The following RORA variants were observed in gnomAD, a reference collection of about 807,000 sequenced individuals.
RORA encodes the protein nuclear receptor ROR-alpha.
In RORA, 7 loss-of-function variants were observed where a neutral mutation model predicts 69.5. The ratio of observed to expected loss-of-function variants is 0.10; its 90% CI spans 0.06 to 0.19. The LOEUF (loss-of-function observed/expected upper bound fraction) is 0.19, where lower values mean the gene tolerates loss of function less well. RORA is among the 10% of genes least tolerant of loss of function. RORA has a pLI of 1.00. For missense variants in RORA, 457 were observed against 663.0 expected (o/e 0.69, Z 3.41); for synonymous variants, 261 against 240.8 (o/e 1.08, Z -0.78).
chr15:60,960,832 T>C (rs1166654055), intron 1 of RORA, among the ~76,000 whole-genome samples: 1 of 152,084 alleles, frequency 6.6e-6, no homozygotes, highest in Non-Finnish European at 1.5e-5. Flanking sequence ...ATTCCTCCTT[T>C]TTAGCTGTGT....
In RORA at chr15:60,537,109, G is replaced by T. The variant is rs528594174; in HGVS notation, c.197-5258C>A. The stretch of plus-strand genomic sequence containing the variant: ...GTTTAAAACTGCCAGGGTATTAAAG[G>T]CTTCTGCAGCTGCCTGAATGGCGGC... On this transcript the variant is annotated intron_variant, in intron 2 of 10. Coordinates refer to ENST00000335670, the MANE Select transcript of RORA (RefSeq NM_134261.3). This position sits in a 1 kb window ranked among gnomAD's most constrained non-coding sequence, Gnocchi z 4.9. Among the ~76,000 whole-genome samples, 1 of 152,322 alleles carries T rather than the reference G, an allele frequency of 6.6e-6. No individual in the cohort carries two copies. Among genetic ancestry groups the T allele is most frequent in the South Asian group, 2.1e-4 (1 of 4,828 alleles).
chr15:61,191,476 A>G (rs749760037), intron 1 of RORA, among the ~76,000 whole-genome samples: 2 of 152,098 alleles, frequency 1.3e-5, no homozygotes, highest in Non-Finnish European at 2.9e-5. Context: ...CCCCTTCCTC[A>G]TTCATTTAGA....
intron 2 of RORA, among the ~76,000 whole-genome samples, chr15:60,604,631 T>C (rs948287981): frequency 1.3e-5 from 2 of 152,216 alleles, no homozygotes; most frequent in South Asian, 2.1e-4. Context: ...CCATAGTGCC[T>C]GGCATACATA....
intron 3 of RORA, chr15:60,529,102 C>T (rs1203702995): frequency 6.6e-6 from 1 of 152,206 alleles, no homozygotes; most frequent in African/African-American, 2.4e-5. Flanking sequence ...AACAGGTCCT[C>T]TAGTTTCTTA....
chr15:60,758,295 G>T (rs1474985420), intron 1 of RORA, among the ~76,000 whole-genome samples: 1 of 152,164 alleles, frequency 6.6e-6, no homozygotes, highest in African/African-American at 2.4e-5. Context: ...AGGTATAAAA[G>T]GGAGGCTCAC....
At chr15:60,913,066 C>T (rs1480769425) in intron 1 of RORA, among the ~76,000 whole-genome samples, 1 of 152,144 alleles carries the variant, frequency 6.6e-6, no homozygotes, top group East Asian at 1.9e-4. Context: ...CATTATAGCA[C>T]TATAGGGTTT....
At chr15:60,839,598 C>T (rs1214430179) in intron 1 of RORA, among the ~76,000 whole-genome samples, 1 of 152,194 alleles carries the variant, frequency 6.6e-6, no homozygotes, top group Non-Finnish European at 1.5e-5. Context: ...TATATCAATG[C>T]ACATCTGTAC....
At chr15:60,833,597 C>G (rs1451964422) in intron 1 of RORA, among the ~76,000 whole-genome samples, 1 of 145,878 alleles carries the variant, frequency 6.9e-6, no homozygotes, top group African/African-American at 2.4e-5. Context: ...TCTCTTTTCC[C>G]TTAAGTTCAC....
At chr15:60,552,482 A>G (rs2067251837) in intron 2 of RORA, among the ~76,000 whole-genome samples, 1 of 152,228 alleles carries the variant, frequency 6.6e-6, no homozygotes, top group Admixed American at 6.5e-5. Flanking sequence ...TGTATAGAGC[A>G]GGAACCTGTC....
At chr15:61,225,808 C>G (rs922086754) in intron 1 of RORA, among the ~76,000 whole-genome samples, 2 of 152,192 alleles carry the variant, frequency 1.3e-5, no homozygotes, top group Non-Finnish European at 2.9e-5. Flanking sequence ...TCCCTGAAAG[C>G]CTTGTTAAAT....
chr15:60,872,060 A>G (rs925694263), intron 1 of RORA, among the ~76,000 whole-genome samples: 1 of 152,206 alleles, frequency 6.6e-6, no homozygotes, highest in Non-Finnish European at 1.5e-5. Context: ...GCTTTGGAGA[A>G]TAACTCACTG....
intron 2 of RORA, among the ~76,000 whole-genome samples, chr15:60,603,163 A>G (rs1018312304): frequency 6.6e-6 from 1 of 152,306 alleles, no homozygotes; most frequent in East Asian, 1.9e-4. Flanking sequence ...TCATTCCTCA[A>G]TTGAAGGACA....
intron 1 of RORA, among the ~76,000 whole-genome samples, chr15:60,805,410 A>G (rs1432806236): frequency 6.6e-6 from 1 of 152,246 alleles, no homozygotes; most frequent in East Asian, 1.9e-4. Flanking sequence ...AATGTAGGAA[A>G]TGCAGGGAGA....
chr15:60,766,671 CT>C (rs35501090), intron 1 of RORA, among the ~76,000 whole-genome samples: 117,047 of 147,954 alleles, frequency 0.79, 46,130 homozygotes, highest in South Asian at 0.88. Context: ...ACAGACTGCA[CT>C]TTTTTTTTTT....
At chr15:60,849,355 C>A (rs1050156082) in intron 1 of RORA, among the ~76,000 whole-genome samples, 1 of 152,170 alleles carries the variant, frequency 6.6e-6, no homozygotes, top group African/African-American at 2.4e-5. Flanking sequence ...TCACTTATAG[C>A]CAATTGGATA....
Position 60,928,132 on chromosome 15 carries a change from C to A in RORA, c.167-249446G>T, listed in dbSNP as rs151328000. ...GAACACTGAACTGCCCTGCCCATATCTTTTCCCTGAATAAATCCCTTTAAA... is the reference window on the plus strand; with the variant it reads ...GAACACTGAACTGCCCTGCCCATATATTTTCCCTGAATAAATCCCTTTAAA... On this transcript the variant is annotated intron_variant, in intron 1 of 10. Transcript: ENST00000335670. 3.3e-5 allele frequency among the ~76,000 whole-genome samples: 5 copies of A among 152,300 alleles called. No individual in the cohort carries two copies. In the East Asian group the frequency reaches 9.7e-4, roughly 29 times the overall value.
intron 1 of RORA, among the ~76,000 whole-genome samples, chr15:60,802,806 G>A (rs533183600): frequency 6.6e-6 from 1 of 152,198 alleles, no homozygotes; most frequent in Non-Finnish European, 1.5e-5. Flanking sequence ...TTACTGCTTA[G>A]CCTCAAAAGA....
intron 1 of RORA, among the ~76,000 whole-genome samples, chr15:61,146,665 T>C (rs1342029254): frequency 3.3e-5 from 5 of 152,212 alleles, no homozygotes; most frequent in African/African-American, 1.2e-4. Flanking sequence ...CCTACAAGTG[T>C]CTGCCTAAGA....
chr15:61,098,290 TCCCTCACTGTCTC>T (rs1169394772), intron 1 of RORA, among the ~76,000 whole-genome samples: 3 of 141,434 alleles, frequency 2.1e-5, no homozygotes, highest in Non-Finnish European at 3.1e-5. Context: ...CTTCCCTGCC[TCCCTCACTGTCTC>T]CCTCCCTCTC....
Sources: allele counts gnomAD v4.1 joint callset (sites outside exome capture counted in the v4.1 genomes callset), GRCh38; gene constraint gnomAD v4.1.1; non-coding constraint Gnocchi (gnomAD v3.1); transcripts MANE v1.5; gene names NCBI Gene and HGNC (gene_info 2026-07-23, HGNC 2026-07-21).